The following ADAMTS19 variants were observed in gnomAD, a reference collection of about 807,000 sequenced individuals.
ADAMTS19 encodes the protein ADAM metallopeptidase with thrombospondin type 1 motif 19.
A neutral mutation model predicts 153.3 loss-of-function variants in ADAMTS19; 93 were observed. That is an observed-to-expected ratio of 0.61 (90% CI 0.51 to 0.72). The LOEUF is 0.72. ADAMTS19 is among the 30% of genes least tolerant of loss of function. ADAMTS19 has a pLI of 0.00. For synonymous variants in ADAMTS19, 600 were observed against 556.6 expected, an observed-to-expected ratio of 1.08 and a Z score of -1.10; for missense variants, 1,482 against 1,552.1, an observed-to-expected ratio of 0.95 and a Z score of 0.76.
chr5:129,491,381 T>G (rs1179048001), intron 2 of ADAMTS19, among the ~76,000 whole-genome samples: 1 of 152,148 alleles, frequency 6.6e-6, no homozygotes, highest in East Asian at 1.9e-4. Flanking sequence ...TAATTAATTG[T>G]CTAATTTTAC....
rs148637580 is a variant in ADAMTS19 at position 129,658,347 on chromosome 5, A to G, written c.2305-270A>G. ...AAAGAAAGAAAGAAAGAAAGAAAGA[A>G]AGAAAGAAAGAAAGAAAGAAAGAGA... is the stretch of plus-strand genomic sequence containing the variant. On this transcript the variant is annotated intron_variant, in intron 14 of 22. Coordinates refer to ENST00000274487, the MANE Select transcript of ADAMTS19 (RefSeq NM_133638.6). Among the ~76,000 whole-genome samples, 1,141 of 115,644 alleles carry G rather than the reference A, an allele frequency of 9.9e-3. 58 individuals are homozygous for G. Among genetic ancestry groups the G allele is most frequent in the African/African-American group, 0.035 (928 of 26,838 alleles). 75.9% of individuals were successfully genotyped at this position (115,644 alleles called of 152,430 possible).
intron 6 of ADAMTS19, among the ~76,000 whole-genome samples, chr5:129,543,047 TG>T (rs1318947381): frequency 2.7e-5 from 4 of 145,988 alleles, no homozygotes; most frequent in Admixed American, 6.8e-5. Flanking sequence ...GTTGTTGTTT[TG>T]TTTTTTTTTT....
chr5:129,721,958 T>C (rs570033342), intron 21 of ADAMTS19, among the ~76,000 whole-genome samples: 2 of 152,326 alleles, frequency 1.3e-5, no homozygotes, highest in African/African-American at 4.8e-5. Context: ...TGCATAGTAT[T>C]CCATGTTGTA....
At chr5:129,468,502 C>A (rs1181755824) in intron 2 of ADAMTS19, among the ~76,000 whole-genome samples, 1 of 151,588 alleles carries the variant, frequency 6.6e-6, no homozygotes, top group South Asian at 2.1e-4. Flanking sequence ...TACAGGCGCG[C>A]ACCACCACGC....
At chr5:129,626,179 G>A (rs1752037005) in intron 10 of ADAMTS19, among the ~76,000 whole-genome samples, 1 of 152,016 alleles carries the variant, frequency 6.6e-6, no homozygotes, top group Non-Finnish European at 1.5e-5. Context: ...CTCAGATTAT[G>A]TCTAAATCCC....
chr5:129,678,331 T>C (rs30647), intron 16 of ADAMTS19, among the ~76,000 whole-genome samples: 22,685 of 152,026 alleles, frequency 0.15, 1,879 homozygotes, highest in East Asian at 0.3. Context: ...TCACTAATTT[T>C]CTCAGTAAAT....
Position 129,540,565 on chromosome 5 carries a change from G to A in ADAMTS19, c.1329-11299G>A, listed in dbSNP as rs116223560. 4.3e-3 allele frequency among the ~76,000 whole-genome samples: 661 copies of A among 152,036 alleles called. 3 individuals are homozygous for A. The highest frequency in any genetic ancestry group is 0.015 in the African/African-American group (622 of 41,514). On this transcript the variant is annotated intron_variant, in intron 6 of 22. Transcript: ENST00000274487. ...ATTTGCAGAAATGCTTTTGGTTTAC[G>A]TATAATACATGTGAAAGTTAGTTTC...
intron 7 of ADAMTS19, among the ~76,000 whole-genome samples, chr5:129,564,565 C>T (rs1316800816): frequency 6.6e-6 from 1 of 152,026 alleles, no homozygotes; most frequent in Non-Finnish European, 1.5e-5. Flanking sequence ...TTATCATATC[C>T]GATGAGACAG....
chr5:129,587,946 C>G (rs1361487152), intron 7 of ADAMTS19, among the ~76,000 whole-genome samples: 1 of 152,078 alleles, frequency 6.6e-6, no homozygotes, highest in Non-Finnish European at 1.5e-5. Context: ...TTTTGCTCAC[C>G]TTTGAGACTC....
chr5:129,501,649 A>G lies in ADAMTS19; in HGVS notation c.748-7428A>G, dbSNP rs139409723. On this transcript the variant is annotated intron_variant, in intron 2 of 22. Coordinates refer to ENST00000274487, the MANE Select transcript of ADAMTS19 (RefSeq NM_133638.6). Reference sequence around the variant, plus strand: ...CTTTCATTTGAATCCTGTCTTTACTACATACTGATTTGTGATCTTAGGAGA... The same window carrying G: ...CTTTCATTTGAATCCTGTCTTTACTGCATACTGATTTGTGATCTTAGGAGA... Among the ~76,000 whole-genome samples, 1,040 of 152,134 alleles carry G rather than the reference A, an allele frequency of 6.8e-3. 10 individuals are homozygous for G. Among genetic ancestry groups the G allele is most frequent in the African/African-American group, 0.022 (922 of 41,500 alleles).
At chr5:129,621,350 G>A (rs961988885) in intron 9 of ADAMTS19, among the ~76,000 whole-genome samples, 1 of 152,128 alleles carries the variant, frequency 6.6e-6, no homozygotes, top group Non-Finnish European at 1.5e-5. Context: ...AGGATCACCT[G>A]AAGCAGTAAG....
intron 15 of ADAMTS19, among the ~76,000 whole-genome samples, chr5:129,663,883 C>T (rs749334268): frequency 6.6e-6 from 1 of 152,194 alleles, no homozygotes; most frequent in Middle Eastern, 3.2e-3. Flanking sequence ...TTATTTTATT[C>T]AAGTGCCACT....
At chr5:129,528,149 G>A (rs1178971666) in intron 5 of ADAMTS19, among the ~76,000 whole-genome samples, 2 of 151,712 alleles carry the variant, frequency 1.3e-5, no homozygotes, top group Non-Finnish European at 2.9e-5. Flanking sequence ...TTTTAAATGG[G>A]AACTATTCTG....
chr5:129,605,266 C>T (rs996798248), intron 8 of ADAMTS19, among the ~76,000 whole-genome samples: 1 of 152,002 alleles, frequency 6.6e-6, no homozygotes, highest in South Asian at 2.1e-4. Flanking sequence ...GTAAAATCCC[C>T]AGCCCACACC....
At chr5:129,530,281 ATGT>A (rs1341413273) in intron 6 of ADAMTS19, among the ~76,000 whole-genome samples, 3 of 152,182 alleles carry the variant, frequency 2.0e-5, no homozygotes, top group East Asian at 1.9e-4. Context: ...TAGCAGATTA[ATGT>A]TGTTGTAATT....
intron 7 of ADAMTS19, among the ~76,000 whole-genome samples, chr5:129,558,662 A>G (rs1047540476): frequency 2.0e-5 from 3 of 152,116 alleles, no homozygotes; most frequent in Non-Finnish European, 4.4e-5. Context: ...AGATGTATAG[A>G]GGAACATAGG....
At chr5:129,538,573 C>G (rs1025412798) in intron 6 of ADAMTS19, among the ~76,000 whole-genome samples, 3 of 151,890 alleles carry the variant, frequency 2.0e-5, no homozygotes, top group Admixed American at 2.0e-4. Flanking sequence ...CACAAGAATT[C>G]TATTAAAAGG....
At chr5:129,507,665 T>C (rs1236568023) in intron 2 of ADAMTS19, among the ~76,000 whole-genome samples, 2 of 147,012 alleles carry the variant, frequency 1.4e-5, no homozygotes, top group Non-Finnish European at 3.1e-5. Flanking sequence ...TGTGTACGTG[T>C]GTGTGTGTGT....
At chr5:129,545,375 G>A (rs992121262) in intron 6 of ADAMTS19, among the ~76,000 whole-genome samples, 1 of 152,148 alleles carries the variant, frequency 6.6e-6, no homozygotes, top group Non-Finnish European at 1.5e-5. Flanking sequence ...GCTACATAGA[G>A]TGGTTAAGAG....
Sources: gnomAD v4.1 joint callset for allele counts (sites outside exome capture counted in the v4.1 genomes callset) on GRCh38, gnomAD v4.1.1 for gene constraint, MANE v1.5 for transcripts, NCBI Gene and HGNC (gene_info 2026-07-23, HGNC 2026-07-21) for gene names.